COP1: variants seen among roughly 807,000 people sequenced by gnomAD.
The protein encoded by COP1 is COP1 E3 ubiquitin ligase, also known as E3 ubiquitin-protein ligase COP1.
Under a neutral mutation model 101.3 loss-of-function variants are expected in COP1, and 24 were observed. The observed-to-expected ratio is 0.24, with a 90% CI of 0.17 to 0.33. COP1 has a LOEUF of 0.33. Among genes scored for constraint, COP1 ranks in the 10% least tolerant of loss-of-function variants. The pLI is 1.00. For missense variants in COP1, 663 were observed against 906.2 expected, an observed-to-expected ratio of 0.73 and a Z score of 3.45; for synonymous variants, 347 against 341.9, an observed-to-expected ratio of 1.01 and a Z score of -0.17.
At chr1:175,949,346 C>T (rs11584481) in intron 18 of COP1, among the ~76,000 whole-genome samples, 5,100 of 151,856 alleles carry the variant, frequency 0.034, 116 homozygotes, top group Non-Finnish European at 0.047. Context: ...TTTATTTACT[C>T]TTTTAGTGAC....
chr1:175,977,396 T>C (rs10494496), intron 18 of COP1, among the ~76,000 whole-genome samples: 4,381 of 152,254 alleles, frequency 0.029, 141 homozygotes, highest in South Asian at 0.14. Flanking sequence ...ATTAAATGGC[T>C]TCTTTACAGC....
intron 15 of COP1, among the ~76,000 whole-genome samples, chr1:175,996,015 C>T (rs1471862851): frequency 2.0e-5 from 3 of 152,066 alleles, no homozygotes; most frequent in Admixed American, 1.3e-4. Context: ...ACTGGCAAAA[C>T]GAATCCAGCA....
At chr1:176,129,617 C>G (rs1231813004) in intron 8 of COP1, among the ~76,000 whole-genome samples, 1 of 151,786 alleles carries the variant, frequency 6.6e-6, no homozygotes, top group Admixed American at 6.6e-5. Context: ...CAGCAACTAT[C>G]TGGATCTTAT....
intron 15 of COP1, among the ~76,000 whole-genome samples, chr1:176,003,193 T>C (rs971410458): frequency 2.6e-5 from 4 of 152,140 alleles, no homozygotes; most frequent in Non-Finnish European, 5.9e-5. Context: ...TGCCCACTTT[T>C]TGATGGGGTT....
intron 2 of COP1, among the ~76,000 whole-genome samples, chr1:176,184,137 T>A (rs915882118): frequency 4.6e-5 from 7 of 152,120 alleles, no homozygotes; most frequent in African/African-American, 1.7e-4. Flanking sequence ...ATTATGTAAA[T>A]TTTAAAATTA....
chr1:176,136,670 A>C (rs1326681229), intron 6 of COP1, 123 bp from the exon 7 acceptor site: 5 of 593,002 alleles, frequency 8.4e-6, no homozygotes, highest in Non-Finnish European at 1.4e-5. Flanking sequence ...CTTGGCACTA[A>C]TGGCAAATTA....
chr1:175,994,725 G>A (rs1241094555), intron 15 of COP1, among the ~76,000 whole-genome samples: 6 of 152,244 alleles, frequency 3.9e-5, no homozygotes, highest in Admixed American at 2.6e-4. Flanking sequence ...CCCAATACAG[G>A]AGCACCCAGA....
At chr1:176,184,548 T>A in intron 2 of COP1, 85 bp downstream of exon 2, 3 of 1,161,648 alleles carry the variant, frequency 2.6e-6, no homozygotes, top group Non-Finnish European at 3.7e-6. Context: ...AAAGTTGGTT[T>A]AAAACACGTA....
chr1:176,100,011 C>A (rs1235085596), intron 9 of COP1, among the ~76,000 whole-genome samples: 1 of 152,160 alleles, frequency 6.6e-6, no homozygotes, highest in African/African-American at 2.4e-5. Context: ...AATCTTGCTG[C>A]ACTTTAAACA....
chr1:176,172,406 A>T (rs998840167), intron 3 of COP1, among the ~76,000 whole-genome samples: 15 of 152,236 alleles, frequency 9.9e-5, no homozygotes, highest in African/African-American at 3.6e-4. Flanking sequence ...ACTTAAAAAT[A>T]TGCACGGATC....
At chr1:176,172,194 T>G (rs542088680) in intron 3 of COP1, among the ~76,000 whole-genome samples, 70 of 152,280 alleles carry the variant, frequency 4.6e-4, no homozygotes, top group Admixed American at 3.1e-3. Flanking sequence ...GGACAACAGC[T>G]GCATACCAAC....
At chr1:176,153,659 T>C (rs1187453950) in intron 5 of COP1, among the ~76,000 whole-genome samples, 1 of 152,188 alleles carries the variant, frequency 6.6e-6, no homozygotes, top group Non-Finnish European at 1.5e-5. Flanking sequence ...GGCATCCTTG[T>C]CTTGTGTTGG....
chr1:176,040,391 C>T (rs1385282207), intron 14 of COP1, among the ~76,000 whole-genome samples: 2 of 152,098 alleles, frequency 1.3e-5, no homozygotes, highest in Admixed American at 1.3e-4. Flanking sequence ...AATCCTCACT[C>T]ACTGTAACCT....
Position 176,092,871 on chromosome 1 carries a change from G to C in COP1, c.1027-6981C>G, listed in dbSNP as rs140526877. Among the ~76,000 whole-genome samples the C allele has an allele frequency of 2.6e-3, 400 of 152,170 alleles. 3 individuals carry two copies. The highest frequency in any genetic ancestry group is 9.2e-3 in the African/African-American group (382 of 41,524). On this transcript the variant is annotated intron_variant, in intron 9 of 19. Coordinates refer to ENST00000367669, the MANE Select transcript of COP1 (RefSeq NM_022457.7). ...TAGGTACATATCTAGGGAAACTCTT[G>C]CACCTGTGGATCTGGAGACATGTAC...
chr1:176,149,291 T>C (rs1692054288), intron 5 of COP1, among the ~76,000 whole-genome samples: 1 of 152,116 alleles, frequency 6.6e-6, no homozygotes, highest in African/African-American at 2.4e-5. Context: ...ACAGGTGTTC[T>C]AAATTACATC....
At chr1:175,963,976 T>G (rs1651697557) in intron 18 of COP1, among the ~76,000 whole-genome samples, 1 of 152,244 alleles carries the variant, frequency 6.6e-6, no homozygotes, top group Non-Finnish European at 1.5e-5. Flanking sequence ...TGGATTCGTA[T>G]ATAAAATGTT....
In COP1 at chr1:176,057,106, C is replaced by T. The variant is rs976428988; in HGVS notation, c.1278-10782G>A. ...TACATAGAAAGACAAACTACCCCTG[C>T]GTTTCCAATATTTGCTGAACATTCC... is the stretch of plus-strand genomic sequence containing the variant. On this transcript the variant is annotated intron_variant, in intron 11 of 19. Transcript: ENST00000367669. Among the ~76,000 whole-genome samples the T allele has an allele frequency of 5.3e-5, 8 of 152,288 alleles. No homozygotes were observed. The South Asian group carries it at 6.2e-4, about 12-fold the overall frequency.
chr1:175,983,121 T>C (rs10798431), intron 18 of COP1, among the ~76,000 whole-genome samples: 131,414 of 152,182 alleles, frequency 0.86, 58,816 homozygotes, highest in Non-Finnish European at 0.98. Context: ...TATATGAAAA[T>C]ACCACATTGT....
At chr1:176,012,367 C>T (rs1432813443) in intron 15 of COP1, among the ~76,000 whole-genome samples, 1 of 152,138 alleles carries the variant, frequency 6.6e-6, no homozygotes. Context: ...CTCAAGTGAT[C>T]CACTCACCTT....
Sources: gnomAD v4.1 joint callset for allele counts (sites outside exome capture counted in the v4.1 genomes callset) on GRCh38, gnomAD v4.1.1 for gene constraint, MANE v1.5 for transcripts, NCBI Gene and HGNC (gene_info 2026-07-23, HGNC 2026-07-21) for gene names.